The following OR5V1 variants were observed in gnomAD, a reference collection of about 807,000 sequenced individuals.
The protein encoded by OR5V1 is olfactory receptor 5V1.
For missense variants in OR5V1, 365 were observed against 371.5 expected, an observed-to-expected ratio of 0.98 and a Z score of 0.14; for synonymous variants, 134 against 143.2, an observed-to-expected ratio of 0.94 and a Z score of 0.46.
At chr6:29,360,155 G>A (rs967438331) in intron 1 of OR5V1, among the ~76,000 whole-genome samples, 2 of 152,186 alleles carry the variant, frequency 1.3e-5, no homozygotes, top group Non-Finnish European at 2.9e-5. Flanking sequence ...CTGGAAGTTT[G>A]GACTGGGTGG....
intron 1 of OR5V1, among the ~76,000 whole-genome samples, chr6:29,362,785 A>T (rs572444404): frequency 2.5e-4 from 38 of 152,214 alleles, no homozygotes; most frequent in Non-Finnish European, 5.4e-4. Context: ...AATCTCAGGG[A>T]CACAGCTAGA....
At chr6:29,357,116 G>A (rs1219686947) in intron 1 of OR5V1, among the ~76,000 whole-genome samples, 2 of 152,106 alleles carry the variant, frequency 1.3e-5, no homozygotes, top group Non-Finnish European at 2.9e-5. Context: ...GAAACCTATT[G>A]CTATAGATCA....
In OR5V1 at chr6:29,356,053, G is replaced by A. The variant is rs150457685; in HGVS notation, c.143C>T (p.Thr48Met). The change falls in exon 2 of 2, where the codon ACG becomes ATG. Residue 48 changes from threonine to methionine, a missense_variant. Physicochemically the swap from Thr to Met is moderately conservative, Grantham distance 81. Transcript: ENST00000641768. ...ATGCAGGTGTGGATCAGTCACAGTC[G>A]TCAAGATAATTAATATATTTCCTCC... ...TLGGNILIIL[T>M]TVTDPHLHTP... 477 of 1,613,890 alleles carry A rather than the reference G, an allele frequency of 3.0e-4. No individual in the cohort carries two copies. The highest frequency in any genetic ancestry group is 3.5e-4 in the Non-Finnish European group (417 of 1,179,902).
In OR5V1 at chr6:29,355,681, T is replaced by C. The variant is rs1354345600; in HGVS notation, c.515A>G (p.Asn172Ser). 6 of 1,613,920 alleles carry C rather than the reference T, an allele frequency of 3.7e-6. No individual in the cohort carries two copies. The highest frequency in any genetic ancestry group is 1.3e-5 in the African/African-American group (1 of 74,916). ...LTFCLPFCGN[N>S]QINYFFCDIP... is the part of the protein sequence containing the mutation. ...GTCACAGAAGAAGTAATTAATCTGA[T>C]TGTTGCCACAGAAGGGCAGGCAGAA... The change falls in exon 2 of 2, where the codon AAT (asparagine) becomes AGT (serine). Residue 172 changes from asparagine to serine, a missense_variant. By Grantham distance (46) the Asn-to-Ser change is conservative. Coordinates refer to ENST00000641768, the MANE Select transcript of OR5V1 (RefSeq NM_030876.6).
Position 29,356,027 on chromosome 6 carries a change from T to C in OR5V1, c.169A>G (p.Thr57Ala), listed in dbSNP as rs748961876. 2.0e-5 allele frequency: 32 copies of C among 1,613,936 alleles called. No individual in the cohort carries two copies. Among genetic ancestry groups the C allele is most frequent in the East Asian group, 1.1e-4 (5 of 44,890 alleles). ...TTCCCTAGAAAATAATACATAGGTG[T>C]ATGCAGGTGTGGATCAGTCACAGTC... The part of the protein sequence containing the change: ...LTTVTDPHLH[T>A]PMYYFLGNLA... The change falls in exon 2 of 2, where the codon ACA (threonine) becomes GCA (alanine). Residue 57 changes from threonine (T) to alanine (A), a missense_variant. Coordinates refer to ENST00000641768, the MANE Select transcript of OR5V1 (RefSeq NM_030876.6).
intron 1 of OR5V1, among the ~76,000 whole-genome samples, chr6:29,368,310 A>C (rs908274819): frequency 3.3e-5 from 5 of 152,214 alleles, no homozygotes; most frequent in Non-Finnish European, 7.3e-5. Flanking sequence ...TCTGCAGTCC[A>C]GTGGCATTTT....
chr6:29,367,303 C>A lies in OR5V1; in HGVS notation c.-83+1329G>T, dbSNP rs148472353. On this transcript the variant is annotated intron_variant, in intron 1 of 1. Coordinates refer to ENST00000641768, the MANE Select transcript of OR5V1 (RefSeq NM_030876.6). ...GCATTTGTTTCAATCTTGATTATGA[C>A]ACATAACACACAACATACTTATTTG... Among the ~76,000 whole-genome samples, 7 of 152,190 alleles carry A rather than the reference C, an allele frequency of 4.6e-5. No homozygotes were observed. The East Asian group carries it at 1.4e-3, about 29-fold the overall frequency.
chr6:29,366,662 A>AATTG (rs1778871040), intron 1 of OR5V1, among the ~76,000 whole-genome samples: 1 of 152,162 alleles, frequency 6.6e-6, no homozygotes, highest in African/African-American at 2.4e-5. Flanking sequence ...GCACTGAATT[A>AATTG]CAGTTAGTGT....
Position 29,354,862 on chromosome 6 carries a change from T to A in OR5V1, c.*368A>T, listed in dbSNP as rs907342757. On this transcript the variant is annotated 3_prime_UTR_variant, in exon 2 of 2. Coordinates refer to ENST00000641768, the MANE Select transcript of OR5V1 (RefSeq NM_030876.6). ...CTTAAGTAGTAAGAACAGAAAAATA[T>A]GACACACATATGAGGAATGTGAAGA... is the stretch of plus-strand genomic sequence containing the variant. The A allele has an allele frequency of 4.1e-5, 7 of 169,324 alleles. No individual in the cohort carries two copies. In the East Asian group the frequency reaches 1.1e-3, roughly 27 times the overall value. The allele number at this position is 169,324 out of a possible 1,614,324, so 10.5% of individuals were successfully genotyped here. A position where few individuals can be genotyped will look rare whatever the true frequency, so the allele number is the denominator to read the frequency against.
chr6:29,355,877 AG>A lies in OR5V1; in HGVS notation c.318del (p.Phe107LeufsTer2), dbSNP rs1368647922. 6.2e-7 allele frequency: 1 copy of A among 1,614,072 alleles called. No homozygotes were observed. The highest frequency in any genetic ancestry group is 1.3e-5 in the African/African-American group (1 of 75,040). ...GCVVQLFAFV[F>X]FVGSECLLLA... ...AGTAGGAGACACTCTGATCCTACAAAGAAAACAAATGCAAAAAGTTGAACCA... is the reference window on the plus strand; with the variant it reads ...AGTAGGAGACACTCTGATCCTACAAAAAAACAAATGCAAAAAGTTGAACCA... On this transcript the variant is annotated frameshift_variant, in exon 2 of 2. Coordinates refer to ENST00000641768, the MANE Select transcript of OR5V1 (RefSeq NM_030876.6). LOFTEE classifies it low-confidence loss of function (END_TRUNC).
At chr6:29,365,212 G>C (rs1403316865) in intron 1 of OR5V1, among the ~76,000 whole-genome samples, 1 of 151,622 alleles carries the variant, frequency 6.6e-6, no homozygotes, top group Non-Finnish European at 1.5e-5. Flanking sequence ...GAAAACCTTG[G>C]CAATACCATT....
intron 1 of OR5V1, among the ~76,000 whole-genome samples, chr6:29,357,079 T>C (rs1778350286): frequency 1.3e-5 from 2 of 152,164 alleles, no homozygotes; most frequent in Non-Finnish European, 2.9e-5. Flanking sequence ...TTTATAAACT[T>C]TCCAAGAGAC....
intron 1 of OR5V1, among the ~76,000 whole-genome samples, chr6:29,358,357 T>C (rs1562927765): frequency 6.6e-6 from 1 of 152,186 alleles, no homozygotes. Flanking sequence ...TGGCACAGTG[T>C]TAATGGAAAT....
chr6:29,356,663 C>A (rs910716430), intron 1 of OR5V1, among the ~76,000 whole-genome samples: 1 of 152,010 alleles, frequency 6.6e-6, no homozygotes, highest in Non-Finnish European at 1.5e-5. Context: ...GTTTTATATT[C>A]TTTTCCGATT....
intron 1 of OR5V1, among the ~76,000 whole-genome samples, chr6:29,365,177 A>G (rs9257789): frequency 0.018 from 2,774 of 152,260 alleles, 37 homozygotes; most frequent in East Asian, 0.032. Flanking sequence ...TAAACATAAA[A>G]CCTAAACCCA....
In OR5V1 at chr6:29,355,837, T is replaced by C; in HGVS notation, c.359A>G (p.Tyr120Cys). 6.2e-7 allele frequency: 1 copy of C among 1,614,046 alleles called. No individual in the cohort carries two copies. The highest frequency in any genetic ancestry group is 1.3e-5 in the African/African-American group (1 of 75,032). ...ATTGCAGATTGCAATGTAACGATCA[T>C]ATGCCATTGCTGCCAGTAGGAGACA... ...SECLLLAAMAYDRYIAICNPL... is the reference protein window; with the variant it reads ...SECLLLAAMACDRYIAICNPL... Residue 120 changes from tyrosine to cysteine, a missense_variant, in exon 2 of 2, where the codon TAT (tyrosine) becomes TGT (cysteine). By Grantham distance (194) the Tyr-to-Cys change is radical. Coordinates refer to ENST00000641768, the MANE Select transcript of OR5V1 (RefSeq NM_030876.6).
chr6:29,356,171 T>C lies in OR5V1; in HGVS notation c.25A>G (p.Ile9Val), dbSNP rs1459574048. 6.3e-7 allele frequency: 1 copy of C among 1,585,972 alleles called. No homozygotes were observed. The highest frequency in any genetic ancestry group is 1.4e-5 in the African/African-American group (1 of 73,604). Residue 9 changes from isoleucine to valine, a missense_variant, in exon 2 of 2, where the codon ATA becomes GTA. Ile to Val is a conservative substitution (Grantham distance 29). Transcript: ENST00000641768. ...AATCCCAAGATGATGAATTCAGTTATAGCTGTTTGATTCTTTCTTTCCATG... is the reference window on the plus strand; with the variant it reads ...AATCCCAAGATGATGAATTCAGTTACAGCTGTTTGATTCTTTCTTTCCATG... MERKNQTA[I>V]TEFIILGFSN...
At position 29,367,606 on chromosome 6, in the gene OR5V1, G is replaced by C. The variant is rs1778914872; in HGVS notation, c.-83+1026C>G. Among the ~76,000 whole-genome samples the C allele has an allele frequency of 1.3e-5, 2 of 152,122 alleles. 1 individual carries two copies. Among genetic ancestry groups the C allele is most frequent in the South Asian group, 4.1e-4 (2 of 4,820 alleles). On this transcript the variant is annotated intron_variant, in intron 1 of 1. Coordinates refer to ENST00000641768, the MANE Select transcript of OR5V1 (RefSeq NM_030876.6). ...TATAACATTTATATTAGTTAGAGTA[G>C]AGGAGTCTGTAATTTATGGTGGATT...
At chr6:29,356,462 A>C (rs1352959293) in intron 1 of OR5V1, among the ~76,000 whole-genome samples, 185 bp from the exon 2 acceptor site, 2 of 152,174 alleles carry the variant, frequency 1.3e-5, no homozygotes, top group African/African-American at 4.8e-5. Context: ...TTTAAATTAG[A>C]ATACAAATGG....
Sources: gnomAD v4.1 joint callset for allele counts (sites outside exome capture counted in the v4.1 genomes callset) on GRCh38, gnomAD v4.1.1 for gene constraint, MANE v1.5 for transcripts, NCBI Gene and HGNC (gene_info 2026-07-23, HGNC 2026-07-21) for gene names.